The following ICE1 variants were observed in gnomAD, a reference collection of about 807,000 sequenced individuals.
ICE1 encodes little elongation complex subunit 1.
ICE1 carries 64 observed loss-of-function variants against 192.7 expected under a neutral mutation model. The ratio of observed to expected loss-of-function variants is 0.33; its 90% CI spans 0.27 to 0.41. The LOEUF (loss-of-function observed/expected upper bound fraction) is 0.41, where lower values mean the gene tolerates loss of function less well. ICE1 is among the 10% of genes least tolerant of loss of function. ICE1 has a pLI of 1.00. For synonymous variants in ICE1, 1,010 were observed against 984.5 expected, an observed-to-expected ratio of 1.03 and a Z score of -0.49; for missense variants, 2,708 against 2,696.0, an observed-to-expected ratio of 1.00 and a Z score of -0.10.
intron 16 of ICE1, among the ~76,000 whole-genome samples, chr5:5,474,065 C>T (rs1171670885): frequency 6.6e-6 from 1 of 151,982 alleles, no homozygotes; most frequent in African/African-American, 2.4e-5. Flanking sequence ...AAAAAATTAG[C>T]TGGGCGTGGT....
At position 5,462,224 on chromosome 5, in the gene ICE1, ATCC is replaced by A. The variant is rs751540277; in HGVS notation, c.2893_2895del (p.Leu965del). ...CAGATTATCTTTCTCTCCTGAAAATATCCTCATCCAAAACCAAGACATTGTGAG... is the reference window on the plus strand; with the variant it reads ...CAGATTATCTTTCTCTCCTGAAAATATCATCCAAAACCAAGACATTGTGAG... On this transcript the variant is annotated inframe_deletion, in exon 13 of 19. Transcript: ENST00000296564. 5.0e-6 allele frequency: 8 copies of A among 1,610,578 alleles called. No individual in the cohort carries two copies. The African/African-American group carries it at 1.1e-4, about 21-fold the overall frequency.
chr5:5,467,908 GCA>G (rs1387257247), intron 14 of ICE1, among the ~76,000 whole-genome samples: 1 of 152,134 alleles, frequency 6.6e-6, no homozygotes, highest in East Asian at 1.9e-4. Flanking sequence ...TTCCACTCAG[GCA>G]CTTACGCAGC....
chr5:5,473,623 A>T lies in ICE1; in HGVS notation c.6288A>T (p.Lys2096Asn). The change falls in exon 16 of 19, where the codon AAA becomes AAT. Residue 2096 changes from lysine (K) to asparagine (N), a missense_variant. Transcript: ENST00000296564. Reference sequence around the variant, plus strand: ...TTTTGACCATACAGTTATGTCCAAAAACAGAATTTCAACCTAGTGAAAAAT... The same window carrying T: ...TTTTGACCATACAGTTATGTCCAAATACAGAATTTCAACCTAGTGAAAAAT... ...KLLLTIQLCPKTEFQPSEKFG... is the reference protein window; with the variant it reads ...KLLLTIQLCPNTEFQPSEKFG... 1 of 1,613,736 alleles carries T rather than the reference A, an allele frequency of 6.2e-7. No individual in the cohort carries two copies. Among genetic ancestry groups the T allele is most frequent in the Non-Finnish European group, 8.5e-7 (1 of 1,179,822 alleles).
intron 15 of ICE1, among the ~76,000 whole-genome samples, chr5:5,469,694 T>A: frequency 6.6e-6 from 1 of 152,342 alleles, no homozygotes; most frequent in East Asian, 1.9e-4. Context: ...TTGCCTTTTT[T>A]TATTATTACT....
intron 16 of ICE1, among the ~76,000 whole-genome samples, chr5:5,475,146 G>T (rs1739272529): frequency 6.6e-6 from 1 of 152,148 alleles, no homozygotes; most frequent in Non-Finnish European, 1.5e-5. Context: ...AGAGACCAGG[G>T]CTGGTGCCCG....
At chr5:5,469,050 T>G in intron 15 of ICE1, 62 bp downstream of exon 15, 1 of 1,166,534 alleles carries the variant, frequency 8.6e-7, no homozygotes, top group South Asian at 2.6e-5. Context: ...ATGTTAATTA[T>G]TTTGTTGTGT....
chr5:5,454,779 T>C, intron 11 of ICE1, 141 bp downstream of exon 11: 2 of 569,636 alleles, frequency 3.5e-6, no homozygotes, highest in East Asian at 2.9e-5. Context: ...CTTTTAATTA[T>C]ACAAAACTCG....
chr5:5,483,325 A>G (rs912597978), intron 17 of ICE1, among the ~76,000 whole-genome samples: 2 of 152,140 alleles, frequency 1.3e-5, no homozygotes, highest in African/African-American at 4.8e-5. Flanking sequence ...AAATTTGCAC[A>G]TCCTATTGAG....
chr5:5,465,460 A>G (rs1019181498), intron 13 of ICE1, among the ~76,000 whole-genome samples: 2 of 152,210 alleles, frequency 1.3e-5, no homozygotes, highest in South Asian at 2.1e-4. Context: ...AAATTTTTTT[A>G]AAGTATCTGT....
intron 17 of ICE1, among the ~76,000 whole-genome samples, chr5:5,477,347 A>G (rs996710599): frequency 3.9e-5 from 6 of 152,252 alleles, no homozygotes; most frequent in Non-Finnish European, 8.8e-5. Context: ...CCATCAGAGA[A>G]TACTGTAAAC....
Position 5,454,706 on chromosome 5 carries a change from G to T in ICE1, c.691+68G>T, listed in dbSNP as rs534708446. ...ACAGAGCTTAACCATAGGCATAGCA[G>T]CCGTTACTTTTTAATAGCTCCTGAT... On this transcript the variant is annotated intron_variant, in intron 11 of 18. Transcript: ENST00000296564. 2.6e-6 allele frequency: 3 copies of T among 1,166,116 alleles called. No individual in the cohort carries two copies. The African/African-American group carries it at 4.6e-5, about 18-fold the overall frequency. 72.2% of individuals were successfully genotyped at this position (1,166,116 alleles called of 1,614,324 possible). A position where few individuals can be genotyped will look rare whatever the true frequency, so the allele number is the denominator to read the frequency against.
intron 18 of ICE1, among the ~76,000 whole-genome samples, chr5:5,487,308 C>T (rs541026367): frequency 9.9e-4 from 151 of 152,276 alleles, no homozygotes; most frequent in African/African-American, 3.3e-3. Context: ...TTATCATTTA[C>T]GTATTGCATA....
At chr5:5,424,100 G>C (rs1481653717) in intron 1 of ICE1, among the ~76,000 whole-genome samples, 1 of 152,174 alleles carries the variant, frequency 6.6e-6, no homozygotes, top group African/African-American at 2.4e-5. Context: ...TTGGTGAGAA[G>C]GAGCAGGGTG....
At chr5:5,427,179 G>C (rs1234218804) in intron 1 of ICE1, among the ~76,000 whole-genome samples, 1 of 152,146 alleles carries the variant, frequency 6.6e-6, no homozygotes, top group Non-Finnish European at 1.5e-5. Flanking sequence ...TACATTTTCT[G>C]TGTCTTTTGC....
intron 1 of ICE1, among the ~76,000 whole-genome samples, chr5:5,432,885 C>T (rs766222335): frequency 4.7e-4 from 72 of 151,880 alleles, no homozygotes; most frequent in Admixed American, 3.8e-3. Context: ...TTGTTTTAGC[C>T]TCTTTCACAC....
intron 7 of ICE1, among the ~76,000 whole-genome samples, chr5:5,445,080 G>T (rs1300919697): frequency 3.9e-5 from 6 of 152,152 alleles, no homozygotes; most frequent in African/African-American, 7.2e-5. Flanking sequence ...ACCTGCTATG[G>T]GTTTCTGACC....
intron 17 of ICE1, among the ~76,000 whole-genome samples, chr5:5,479,628 T>C (rs1739438061): frequency 6.6e-6 from 1 of 152,206 alleles, no homozygotes; most frequent in Non-Finnish European, 1.5e-5. Flanking sequence ...CATTCCACTA[T>C]AAAGACTCAT....
At chr5:5,434,076 A>G (rs1014515299) in intron 1 of ICE1, among the ~76,000 whole-genome samples, 1 of 152,186 alleles carries the variant, frequency 6.6e-6, no homozygotes, top group Non-Finnish European at 1.5e-5. Flanking sequence ...AGTTCACTGA[A>G]ATTAATAAAT....
At chr5:5,480,031 G>T (rs1436359250) in intron 17 of ICE1, among the ~76,000 whole-genome samples, 1 of 152,068 alleles carries the variant, frequency 6.6e-6, no homozygotes, top group African/African-American at 2.4e-5. Context: ...AACCATCATG[G>T]CACATGTATA....
Sources: allele counts gnomAD v4.1 joint callset (sites outside exome capture counted in the v4.1 genomes callset), GRCh38; gene constraint gnomAD v4.1.1; transcripts MANE v1.5; gene names NCBI Gene and HGNC (gene_info 2026-07-23, HGNC 2026-07-21).